Variants in ACYP2 observed in about 807,000 individuals in gnomAD.
ACYP2 encodes the protein acylphosphatase-2.
ACYP2 carries 12 observed loss-of-function variants against 11.2 expected under a neutral mutation model. The observed-to-expected ratio is 1.08, with a 90% CI of 0.69 to 1.74. The LOEUF is 1.74. Among genes scored for constraint, ACYP2 ranks in the 40% most tolerant of loss-of-function variants. ACYP2 has a pLI of 0.00. For missense variants in ACYP2, 134 were observed against 101.9 expected, an observed-to-expected ratio of 1.31 and a Z score of -1.35; for synonymous variants, 43 against 32.2, an observed-to-expected ratio of 1.33 and a Z score of -1.13.
At chr2:54,268,828 G>T (rs1688152772) in intron 6 of ACYP2, among the ~76,000 whole-genome samples, 1 of 151,990 alleles carries the variant, frequency 6.6e-6, no homozygotes, top group Non-Finnish European at 1.5e-5. Context: ...TTAAGGTTGT[G>T]AGTTTTTCTT....
intron 6 of ACYP2, among the ~76,000 whole-genome samples, chr2:54,231,165 T>C (rs1189286628): frequency 6.6e-6 from 1 of 152,160 alleles, no homozygotes. Context: ...ATTTGATTAA[T>C]GTCTCATGCC....
intron 6 of ACYP2, among the ~76,000 whole-genome samples, chr2:54,197,801 G>T (rs960515796): frequency 2.0e-5 from 3 of 152,160 alleles, no homozygotes; most frequent in Non-Finnish European, 4.4e-5. Flanking sequence ...ACTGGGGAGG[G>T]ACAGTCAGGT....
intron 2 of ACYP2, among the ~76,000 whole-genome samples, chr2:54,019,051 T>TTA (rs1558475392): frequency 4.0e-5 from 6 of 151,070 alleles, no homozygotes; most frequent in Non-Finnish European, 7.4e-5. Context: ...GGCCTATTTT[T>TTA]TTATTATTAT....
intron 2 of ACYP2, among the ~76,000 whole-genome samples, chr2:54,048,294 G>A (rs775111617): frequency 4.0e-4 from 61 of 152,008 alleles, no homozygotes; most frequent in Non-Finnish European, 7.6e-4. Flanking sequence ...GAGTGTGGTG[G>A]CACACCCTAT....
intron 4 of ACYP2, among the ~76,000 whole-genome samples, chr2:54,072,245 T>A (rs1480777346): frequency 6.6e-6 from 1 of 152,146 alleles, no homozygotes; most frequent in Non-Finnish European, 1.5e-5. Context: ...ATGGTAATAT[T>A]TTCCAAATTA....
intron 4 of ACYP2, among the ~76,000 whole-genome samples, chr2:54,126,597 CAAAA>C (rs34045950): frequency 5.5e-5 from 6 of 109,650 alleles, no homozygotes; most frequent in Admixed American, 1.0e-4. Flanking sequence ...GTCAAATTTG[CAAAA>C]AAAAAAAAAA....
chr2:54,069,675 AC>A (rs1298076834), intron 4 of ACYP2, among the ~76,000 whole-genome samples: 2 of 152,038 alleles, frequency 1.3e-5, no homozygotes, highest in Non-Finnish European at 2.9e-5. Context: ...AAAACAAAAA[AC>A]AAAAAAAACA....
At chr2:54,124,016 C>T (rs1558546819) in intron 4 of ACYP2, among the ~76,000 whole-genome samples, 1 of 152,184 alleles carries the variant, frequency 6.6e-6, no homozygotes. Context: ...GTGCCTGTCA[C>T]AGTCGTTCAT....
At position 54,244,952 on chromosome 2, in the gene ACYP2, C is replaced by T. The variant is rs1320528654; in HGVS notation, c.405-59736C>T. On this transcript the variant is annotated intron_variant, in intron 6 of 6. Coordinates refer to ENST00000607452, the MANE Select transcript of ACYP2 (RefSeq NM_001320586.2). ...ATGTAATATTGTTAACTATAGTCAC[C>T]CTATAGTGCTATAAAACAGAACTTA... Among the ~76,000 whole-genome samples the T allele has an allele frequency of 2.6e-5, 4 of 152,046 alleles. No individual in the cohort carries two copies. The East Asian group carries it at 5.8e-4, about 22-fold the overall frequency.
chr2:54,219,881 G>GTGTATA (rs1222539416), intron 6 of ACYP2, among the ~76,000 whole-genome samples: 47 of 99,480 alleles, frequency 4.7e-4, no homozygotes, highest in East Asian at 2.7e-3. Context: ...GTGTGTGTGT[G>GTGTATA]TATATATATA....
chr2:54,216,569 G>T (rs138047254), intron 6 of ACYP2, among the ~76,000 whole-genome samples: 11 of 144,526 alleles, frequency 7.6e-5, no homozygotes, highest in African/African-American at 2.9e-4. Flanking sequence ...ACAGAGTATC[G>T]CTATGTCACC....
chr2:54,052,114 GAGA>G (rs536360627), intron 3 of ACYP2, among the ~76,000 whole-genome samples: 78 of 151,836 alleles, frequency 5.1e-4, no homozygotes, highest in East Asian at 7.7e-4. Context: ...AGAGGATGAG[GAGA>G]AGGAGGAGGA....
At chr2:54,120,303 C>G (rs908827891) in intron 4 of ACYP2, among the ~76,000 whole-genome samples, 1 of 152,142 alleles carries the variant, frequency 6.6e-6, no homozygotes. Flanking sequence ...AGCCCCTGTG[C>G]TTTTAGAGTG....
chr2:54,262,974 C>A (rs540208448), intron 6 of ACYP2, among the ~76,000 whole-genome samples: 1 of 152,078 alleles, frequency 6.6e-6, no homozygotes, highest in Non-Finnish European at 1.5e-5. Flanking sequence ...GATGCCAGCA[C>A]TATGGGGGGC....
chr2:54,189,154 C>A (rs1684133452), intron 6 of ACYP2, among the ~76,000 whole-genome samples: 1 of 152,210 alleles, frequency 6.6e-6, no homozygotes. Flanking sequence ...CATCATCTCA[C>A]AGTTGACCAT....
intron 6 of ACYP2, among the ~76,000 whole-genome samples, chr2:54,280,799 G>A (rs1040372047): frequency 2.0e-5 from 3 of 152,192 alleles, no homozygotes; most frequent in East Asian, 1.9e-4. Flanking sequence ...GAGACATTGA[G>A]TATATTTTAC....
At chr2:54,050,862 A>C (rs1219190357) in intron 2 of ACYP2, 1 of 375,742 alleles carries the variant, frequency 2.7e-6, no homozygotes, top group Admixed American at 4.6e-5. Flanking sequence ...GCAGCCTTGA[A>C]CTCCTGGGCT....
chr2:54,003,717 G>A (rs1207577552), intron 2 of ACYP2, among the ~76,000 whole-genome samples: 2 of 152,276 alleles, frequency 1.3e-5, no homozygotes, highest in South Asian at 2.1e-4. Flanking sequence ...AGGGTTTTGT[G>A]TGAACATGTT....
At chr2:54,090,091 G>A (rs1678146134) in intron 4 of ACYP2, among the ~76,000 whole-genome samples, 1 of 151,146 alleles carries the variant, frequency 6.6e-6, no homozygotes, top group Non-Finnish European at 1.5e-5. Context: ...GTTACAATGA[G>A]CCAAGATCAC....
Sources: gnomAD v4.1 joint callset for allele counts (sites outside exome capture counted in the v4.1 genomes callset) on GRCh38, gnomAD v4.1.1 for gene constraint, MANE v1.5 for transcripts, NCBI Gene and HGNC (gene_info 2026-07-23, HGNC 2026-07-21) for gene names.